MACF1: variants seen among roughly 807,000 people sequenced by gnomAD.
MACF1 encodes the protein microtubule-actin cross-linking factor 1.
MACF1 carries 193 observed loss-of-function variants against 854.8 expected under a neutral mutation model. That is an observed-to-expected ratio of 0.23 (90% CI 0.20 to 0.25). MACF1 has a LOEUF of 0.25. MACF1 is among the 10% of genes least tolerant of loss of function. MACF1 has a pLI of 1.00. For synonymous variants in MACF1, 3,185 were observed against 3,226.7 expected, an observed-to-expected ratio of 0.99 and a Z score of 0.44; for missense variants, 7,722 against 8,929.1, an observed-to-expected ratio of 0.86 and a Z score of 5.45.
At chr1:39,479,749 ATAT>A (rs753086308) in intron 97 of MACF1, 46 bp from the exon 98 acceptor site, 1 of 1,555,834 alleles carries the variant, frequency 6.4e-7, no homozygotes, top group Non-Finnish European at 8.9e-7. Context: ...CGTCAAAAAT[ATAT>A]TTTTTAGAAG....
Position 39,340,914 on chromosome 1 carries a change from A to G in MACF1, c.10542A>G (p.Ile3514Met), listed in dbSNP as rs1447230087. 6.2e-7 allele frequency: 1 copy of G among 1,613,316 alleles called. No homozygotes were observed. ...ILNSKGSNSE[I>M]DVDSLNLCLQ... ...ACAGCAAGGGATCTAACAGTGAAAT[A>G]GATGTTGACAGCCTGAACCTCTGCC... The change falls in exon 40 of 101, where the codon ATA (isoleucine) becomes ATG (methionine). Residue 3514 changes from isoleucine (I) to methionine (M), a missense_variant. By Grantham distance (10) the Ile-to-Met change is conservative (BLOSUM62 1). Around this residue, in one of 15 missense-constraint regions of MACF1, gnomAD observed 854 missense variants for 852.6 expected, o/e 1.00. Transcript: ENST00000564288.
At chr1:39,166,223 A>G (rs1359505187) in intron 2 of MACF1, among the ~76,000 whole-genome samples, 1 of 150,488 alleles carries the variant, frequency 6.6e-6, no homozygotes, top group Non-Finnish European at 1.5e-5. Flanking sequence ...GTGTGCCACC[A>G]TGCTGGTCTA....
At chr1:39,133,483 A>G (rs1214599287) in intron 2 of MACF1, among the ~76,000 whole-genome samples, 1 of 152,084 alleles carries the variant, frequency 6.6e-6, no homozygotes, top group Non-Finnish European at 1.5e-5. Flanking sequence ...GTTTAACTAT[A>G]AGATTTTCTT....
intron 35 of MACF1, among the ~76,000 whole-genome samples, chr1:39,324,957 T>G (rs1429005871): frequency 6.6e-6 from 1 of 152,194 alleles, no homozygotes; most frequent in Non-Finnish European, 1.5e-5. Flanking sequence ...AGAACAGTTA[T>G]ATGAAGAAAG....
intron 97 of MACF1, among the ~76,000 whole-genome samples, chr1:39,479,299 G>A (rs544241962): frequency 6.6e-6 from 1 of 152,080 alleles, no homozygotes; most frequent in Non-Finnish European, 1.5e-5. Flanking sequence ...TGAGTTCCTG[G>A]ACTCCTTTCT....
At chr1:39,475,960 T>G (rs148172615) in intron 97 of MACF1, among the ~76,000 whole-genome samples, 130 of 152,246 alleles carry the variant, frequency 8.5e-4, no homozygotes, top group African/African-American at 2.8e-3. Flanking sequence ...CAGGCGTCCT[T>G]GAAGCCAGGG....
intron 40 of MACF1, among the ~76,000 whole-genome samples, chr1:39,341,798 C>G (rs140151703): frequency 8.9e-4 from 135 of 151,660 alleles, no homozygotes; most frequent in Non-Finnish European, 1.5e-3. Context: ...CTGTTATTAT[C>G]AATCTCATCC....
At chr1:39,478,364 C>T (rs1443888439) in intron 97 of MACF1, among the ~76,000 whole-genome samples, 1 of 152,074 alleles carries the variant, frequency 6.6e-6, no homozygotes, top group Non-Finnish European at 1.5e-5. Flanking sequence ...AAGGAAACAG[C>T]TTAGCATTTC....
At chr1:39,149,042 A>G (rs1378767765) in intron 2 of MACF1, among the ~76,000 whole-genome samples, 2 of 152,234 alleles carry the variant, frequency 1.3e-5, no homozygotes, top group Admixed American at 6.5e-5. Context: ...GGATAAGGAA[A>G]GTCAGTTTTT....
At chr1:39,138,774 C>T (rs1214856436) in intron 2 of MACF1, among the ~76,000 whole-genome samples, 1 of 136,366 alleles carries the variant, frequency 7.3e-6, no homozygotes, top group Non-Finnish European at 1.6e-5. Context: ...AAGTGATTCT[C>T]CTGCCTCAGC....
chr1:39,102,737 T>A (rs1411086417), intron 2 of MACF1: 2 of 702,326 alleles, frequency 2.8e-6, no homozygotes, highest in Non-Finnish European at 5.2e-6. Context: ...GCTTCCCCCA[T>A]TGCAGCCTTC....
At chr1:39,480,353 T>C (rs1644992017) in intron 98 of MACF1, among the ~76,000 whole-genome samples, 1 of 152,240 alleles carries the variant, frequency 6.6e-6, no homozygotes, top group South Asian at 2.1e-4. Context: ...GGCTCATGCC[T>C]GTAATCCCAG....
chr1:39,128,420 G>A (rs1231276054), intron 2 of MACF1, among the ~76,000 whole-genome samples: 4 of 152,102 alleles, frequency 2.6e-5, no homozygotes, highest in Admixed American at 2.6e-4. Context: ...TTCTGCCATA[G>A]GGCCAGGCAC....
intron 58 of MACF1, 132 bp from the exon 59 acceptor site, chr1:39,422,242 T>C: frequency 1.5e-6 from 1 of 648,960 alleles, no homozygotes; most frequent in South Asian, 2.5e-5. Flanking sequence ...CACGTGCAAA[T>C]GCTTGTTCTT....
intron 2 of MACF1, among the ~76,000 whole-genome samples, chr1:39,164,126 A>G (rs969199048): frequency 6.6e-6 from 1 of 152,140 alleles, no homozygotes; most frequent in Non-Finnish European, 1.5e-5. Flanking sequence ...AGGTTCATTT[A>G]TTTAACATAC....
intron 6 of MACF1, among the ~76,000 whole-genome samples, chr1:39,274,382 A>G (rs1029349271): frequency 6.6e-6 from 1 of 152,192 alleles, no homozygotes; most frequent in Non-Finnish European, 1.5e-5. Flanking sequence ...TGGGGATTCA[A>G]CCCATAACGG....
chr1:39,157,990 T>C (rs949862543), intron 2 of MACF1, among the ~76,000 whole-genome samples: 1 of 152,224 alleles, frequency 6.6e-6, no homozygotes, highest in Non-Finnish European at 1.5e-5. Context: ...CTTTCAAAGA[T>C]GAGTCTAATA....
chr1:39,277,084 A>G (rs974027684), intron 6 of MACF1, among the ~76,000 whole-genome samples: 4 of 151,830 alleles, frequency 2.6e-5, no homozygotes, highest in Non-Finnish European at 4.4e-5. Flanking sequence ...TTTTTTTTGA[A>G]TCACTCACAT....
chr1:39,178,181 CTT>C (rs67390335), intron 2 of MACF1, among the ~76,000 whole-genome samples: 7 of 137,594 alleles, frequency 5.1e-5, no homozygotes, highest in Admixed American at 7.3e-5. Flanking sequence ...TTTCAACATT[CTT>C]TTTTTTTTTT....
Sources: allele counts gnomAD v4.1 joint callset (sites outside exome capture counted in the v4.1 genomes callset), GRCh38; gene constraint gnomAD v4.1.1; regional missense constraint gnomAD v4.1.1; transcripts MANE v1.5; gene names NCBI Gene and HGNC (gene_info 2026-07-23, HGNC 2026-07-21).